The following SLC38A6 variants were observed in gnomAD, a reference collection of about 807,000 sequenced individuals.
SLC38A6 encodes the protein N system amino acid transporter NAT-1.
A neutral mutation model predicts 65.0 loss-of-function variants in SLC38A6; 73 were observed. The ratio of observed to expected loss-of-function variants is 1.12; its 90% confidence interval spans 0.93 to 1.37. The LOEUF is 1.37. Among genes scored for constraint, SLC38A6 ranks in the 40% most tolerant of loss-of-function variants. SLC38A6 has a pLI of 0.00. For missense variants in SLC38A6, 561 were observed against 531.1 expected, an observed-to-expected ratio of 1.06 and a Z score of -0.55; for synonymous variants, 183 against 178.8, an observed-to-expected ratio of 1.02 and a Z score of -0.19.
At chr14:61,071,017 T>G (rs933792909) in intron 15 of SLC38A6, among the ~76,000 whole-genome samples, 4 of 152,226 alleles carry the variant, frequency 2.6e-5, no homozygotes, top group Non-Finnish European at 4.4e-5. Context: ...TTATTTCTTT[T>G]GCTGTGCAGA....
Position 61,080,688 on chromosome 14 carries a change from C to T in SLC38A6, c.1408+1761C>T, listed in dbSNP as rs113240737. Among the ~76,000 whole-genome samples the T allele has an allele frequency of 2.6e-3, 403 of 152,306 alleles. 2 individuals are homozygous for T. The highest frequency in any genetic ancestry group is 9.2e-3 in the African/African-American group (383 of 41,556). On this transcript the variant is annotated intron_variant, in intron 16 of 16. Coordinates refer to the SLC38A6 transcript ENST00000354886. ...CCCTCCGGAAATATGCTTTACAGGA[C>T]CCGGGGGCCCAGGCCCAGTCGGGTG...
At chr14:61,076,402 A>G (rs1258163178) in intron 15 of SLC38A6, among the ~76,000 whole-genome samples, 2 of 152,352 alleles carry the variant, frequency 1.3e-5, no homozygotes, top group Admixed American at 6.5e-5. Flanking sequence ...TTCTATGCCA[A>G]GCACATTCTC....
intron 5 of SLC38A6, among the ~76,000 whole-genome samples, 182 bp from the exon 6 acceptor site, chr14:61,030,263 C>CTCTG (rs1288696795): frequency 1.6e-4 from 24 of 148,844 alleles, no homozygotes; most frequent in African/African-American, 5.9e-4. Context: ...AGTTACTTTT[C>CTCTG]TGTGTGTGTG....
downstream of SLC38A6, among the ~76,000 whole-genome samples, chr14:61,054,231 A>G (rs546446860): frequency 1.0e-3 from 154 of 152,172 alleles, 1 homozygote; most frequent in Admixed American, 6.6e-4. Flanking sequence ...CCATTGGTCT[A>G]TGTGCCTGTT....
intron 3 of SLC38A6, among the ~76,000 whole-genome samples, chr14:61,013,847 TG>T (rs1478397177): frequency 6.6e-6 from 1 of 152,228 alleles, no homozygotes; most frequent in Non-Finnish European, 1.5e-5. Context: ...TTGGTGAATC[TG>T]ACAATTATAT....
At chr14:61,028,680 A>G (rs2040749486) in intron 5 of SLC38A6, among the ~76,000 whole-genome samples, 1 of 152,330 alleles carries the variant, frequency 6.6e-6, no homozygotes, top group East Asian at 1.9e-4. Flanking sequence ...CCACTGAGAC[A>G]TAGCTGTACT....
chr14:61,032,337 ATG>A (rs1299674670), intron 6 of SLC38A6, among the ~76,000 whole-genome samples: 1 of 151,862 alleles, frequency 6.6e-6, no homozygotes, highest in Admixed American at 6.6e-5. Context: ...TTAAAGTAGT[ATG>A]TGGCAGAACT....
intron 10 of SLC38A6, among the ~76,000 whole-genome samples, chr14:61,044,764 A>G (rs2042032513): frequency 6.6e-6 from 1 of 152,192 alleles, no homozygotes; most frequent in African/African-American, 2.4e-5. Flanking sequence ...TGTATATTAC[A>G]TTGGATCTCT....
rs532429367 is a variant in SLC38A6 at position 61,003,024 on chromosome 14, G to GA, written c.311-12872dup. Among the ~76,000 whole-genome samples the GA allele has an allele frequency of 2.0e-5, 3 of 151,738 alleles. No individual in the cohort carries two copies. The South Asian group carries it at 6.2e-4, about 32-fold the overall frequency. On this transcript the variant is annotated intron_variant, in intron 3 of 15. Transcript: ENST00000267488. ...AAAACTTTGATGGTAGGAAAGAGCT[G>GA]AAAAAAAATCTCCTGTTAGTAGACC...
rs530447660 is a variant in SLC38A6, at chr14:61,041,129, G to A, written c.625-2018G>A. Among the ~76,000 whole-genome samples, 3 of 152,260 alleles carry A rather than the reference G, an allele frequency of 2.0e-5. No individual in the cohort carries two copies. The South Asian group carries it at 6.2e-4, about 32-fold the overall frequency. On this transcript the variant is annotated intron_variant, in intron 8 of 15. Coordinates refer to ENST00000267488, the MANE Select transcript of SLC38A6 (RefSeq NM_153811.3). Reference sequence around the variant, plus strand: ...AGGAAGGGAGGCCTTTTGTGCAAGTGAACAAATATTTTTAATACTTAGTCT... The same window carrying A: ...AGGAAGGGAGGCCTTTTGTGCAAGTAAACAAATATTTTTAATACTTAGTCT...
At chr14:61,025,035 A>G (rs1286586545) in intron 5 of SLC38A6, among the ~76,000 whole-genome samples, 1 of 152,208 alleles carries the variant, frequency 6.6e-6, no homozygotes, top group Non-Finnish European at 1.5e-5. Flanking sequence ...CATAAACATT[A>G]GTAGTCTTAC....
At chr14:61,036,095 A>G (rs1039531862) in intron 6 of SLC38A6, among the ~76,000 whole-genome samples, 2 of 152,110 alleles carry the variant, frequency 1.3e-5, no homozygotes, top group African/African-American at 4.8e-5. Flanking sequence ...TAAAGAAGAA[A>G]AATGACCTAT....
intron 5 of SLC38A6, 77 bp downstream of exon 5, chr14:61,019,657 A>C (rs2040236367): frequency 6.8e-7 from 1 of 1,467,564 alleles, no homozygotes; most frequent in Non-Finnish European, 9.5e-7. Flanking sequence ...CTTACTACAG[A>C]TCTAGCTGGG....
At chr14:60,996,066 G>A (rs2038273172) in intron 3 of SLC38A6, among the ~76,000 whole-genome samples, 2 of 152,198 alleles carry the variant, frequency 1.3e-5, no homozygotes, top group African/African-American at 4.8e-5. Context: ...TACATTGATT[G>A]TAACAAATGT....
chr14:61,015,837 C>A, intron 3 of SLC38A6, 67 bp from the exon 4 acceptor site: 2 of 1,301,598 alleles, frequency 1.5e-6, no homozygotes, highest in South Asian at 1.4e-5. Context: ...AGGACCTGCT[C>A]TTCTCTTTAG....
intron 6 of SLC38A6, among the ~76,000 whole-genome samples, chr14:61,031,480 A>T (rs576736698): frequency 6.6e-6 from 1 of 152,298 alleles, no homozygotes; most frequent in South Asian, 2.1e-4. Context: ...TTTAGATCTG[A>T]ATAGAAACCA....
intron 5 of SLC38A6, among the ~76,000 whole-genome samples, chr14:61,030,111 A>T (rs1333666868): frequency 6.6e-6 from 1 of 152,192 alleles, no homozygotes; most frequent in African/African-American, 2.4e-5. Flanking sequence ...ATAACATATA[A>T]GAGAGTTTTT....
chr14:61,054,092 G>A (rs1399013276), downstream of SLC38A6, among the ~76,000 whole-genome samples: 1 of 152,084 alleles, frequency 6.6e-6, no homozygotes, highest in Non-Finnish European at 1.5e-5. Context: ...TTCTGCATAT[G>A]GCTAGCCAGT....
At chr14:61,082,556 G>C (rs1430452764) in intron 16 of SLC38A6, among the ~76,000 whole-genome samples, 1 of 152,184 alleles carries the variant, frequency 6.6e-6, no homozygotes, top group Admixed American at 6.5e-5. Context: ...TGCTTCTGCA[G>C]CACTCATTAC....
Sources: allele counts gnomAD v4.1 joint callset (sites outside exome capture counted in the v4.1 genomes callset), GRCh38; gene constraint gnomAD v4.1.1; transcripts MANE v1.5; gene names NCBI Gene and HGNC (gene_info 2026-07-23, HGNC 2026-07-21).